The following DLGAP1 variants were observed in gnomAD, a reference collection of about 807,000 sequenced individuals.
DLGAP1 encodes DLG associated protein 1.
A neutral mutation model predicts 90.8 loss-of-function variants in DLGAP1; 11 were observed. That is an observed-to-expected ratio of 0.12 (90% CI 0.08 to 0.20). The LOEUF (loss-of-function observed/expected upper bound fraction) is 0.20, where lower values mean the gene tolerates loss of function less well. DLGAP1 is among the 10% of genes least tolerant of loss of function. The probability of loss-of-function intolerance (pLI) is 1.00; values close to 1 mark genes in which losing one functional copy is unlikely to be tolerated. For synonymous variants in DLGAP1, 558 were observed against 540.7 expected (o/e 1.03, Z -0.44); for missense variants, 1,050 against 1,333.8 (o/e 0.79, Z 3.31).
At chr18:4,017,656 G>C (rs1238793288) in intron 2 of DLGAP1, among the ~76,000 whole-genome samples, 1 of 152,200 alleles carries the variant, frequency 6.6e-6, no homozygotes, top group Non-Finnish European at 1.5e-5. Context: ...GCCCTCCAGG[G>C]TGGAGCTCTC....
intron 2 of DLGAP1, among the ~76,000 whole-genome samples, chr18:4,064,487 C>T (rs2075344002): frequency 6.6e-6 from 1 of 151,954 alleles, no homozygotes; most frequent in South Asian, 2.1e-4. Flanking sequence ...TTCAAATGAA[C>T]ACAATCAGAA....
intron 3 of DLGAP1, chr18:4,004,908 GT>G (rs2074270081): frequency 3.9e-4 from 7 of 18,036 alleles, no homozygotes; most frequent in South Asian, 5.2e-3. Context: ...AGAGGGAAGG[GT>G]GTGTGTGTGT....
chr18:4,053,085 C>T (rs575470175), intron 2 of DLGAP1, among the ~76,000 whole-genome samples: 4 of 152,294 alleles, frequency 2.6e-5, no homozygotes, highest in South Asian at 2.1e-4. Flanking sequence ...GTTCCAAAGT[C>T]GCTTCCACAT....
intron 2 of DLGAP1, among the ~76,000 whole-genome samples, chr18:4,043,653 T>C (rs1255983120): frequency 6.6e-6 from 1 of 152,186 alleles, no homozygotes; most frequent in Non-Finnish European, 1.5e-5. Context: ...ATTTAATAAG[T>C]CAGGAAAGCA....
intron 1 of DLGAP1, among the ~76,000 whole-genome samples, chr18:4,416,255 A>G (rs1247581161): frequency 6.6e-6 from 1 of 152,134 alleles, no homozygotes; most frequent in Non-Finnish European, 1.5e-5. Context: ...CATCCTGGCA[A>G]TAGTGTCCTT....
chr18:3,945,411 G>A (rs2072857228), intron 3 of DLGAP1, among the ~76,000 whole-genome samples: 1 of 152,160 alleles, frequency 6.6e-6, no homozygotes, highest in African/African-American at 2.4e-5. Flanking sequence ...TGTTTTGGGA[G>A]TATACAATAA....
intron 7 of DLGAP1, among the ~76,000 whole-genome samples, chr18:3,657,794 C>T (rs952862981): frequency 9.9e-5 from 15 of 151,762 alleles, no homozygotes; most frequent in Non-Finnish European, 1.8e-4. Flanking sequence ...TTAGTAGAGA[C>T]GGGGTTTCAC....
chr18:4,105,826 C>T (rs918134659), intron 2 of DLGAP1, among the ~76,000 whole-genome samples: 10 of 151,614 alleles, frequency 6.6e-5, no homozygotes, highest in East Asian at 5.8e-4. Context: ...GTCAGGAGAT[C>T]GAGACCATCC....
intron 7 of DLGAP1, among the ~76,000 whole-genome samples, chr18:3,649,096 G>A (rs143200953): frequency 4.7e-4 from 71 of 152,314 alleles, no homozygotes; most frequent in African/African-American, 1.4e-3. Flanking sequence ...CTTTCATATC[G>A]TTGATGAGTG....
chr18:4,262,141 A>G (rs1424234963), intron 1 of DLGAP1, among the ~76,000 whole-genome samples: 1 of 152,228 alleles, frequency 6.6e-6, no homozygotes, highest in African/African-American at 2.4e-5. Context: ...TTTAAATGAC[A>G]CATCCATAGC....
intron 3 of DLGAP1, among the ~76,000 whole-genome samples, chr18:3,924,297 A>G (rs1032676970): frequency 9.2e-5 from 14 of 152,194 alleles, no homozygotes; most frequent in African/African-American, 3.1e-4. Context: ...GAAATATAAA[A>G]AGCTTTTGGT....
chr18:4,403,915 C>A (rs553783754), intron 1 of DLGAP1, among the ~76,000 whole-genome samples: 2 of 152,094 alleles, frequency 1.3e-5, no homozygotes, highest in South Asian at 4.2e-4. Flanking sequence ...TTCTCCCTGG[C>A]TCCCTTCTGC....
At chr18:3,887,835 G>A (rs1224806374) in intron 3 of DLGAP1, among the ~76,000 whole-genome samples, 1 of 151,998 alleles carries the variant, frequency 6.6e-6, no homozygotes, top group Non-Finnish European at 1.5e-5. Flanking sequence ...ACGGCCGGGG[G>A]CAGTGGCTCA....
intron 1 of DLGAP1, among the ~76,000 whole-genome samples, chr18:4,376,887 C>A (rs1312299579): frequency 6.6e-6 from 1 of 152,124 alleles, no homozygotes; most frequent in East Asian, 1.9e-4. Flanking sequence ...CTAAAACCAT[C>A]TGAAGTACAC....
intron 10 of DLGAP1, among the ~76,000 whole-genome samples, chr18:3,525,141 C>A (rs557806654): frequency 7.1e-4 from 107 of 150,720 alleles, no homozygotes; most frequent in African/African-American, 2.4e-3. Context: ...GCAAGTTTTT[C>A]AAAAACTCAG....
chr18:4,385,254 A>G (rs1409327623), intron 1 of DLGAP1, among the ~76,000 whole-genome samples: 2 of 152,118 alleles, frequency 1.3e-5, no homozygotes, highest in African/African-American at 4.8e-5. Context: ...CAGGCAGCAT[A>G]TAGATTTTGA....
At chr18:3,798,662 TTTAC>T (rs2066136462) in intron 5 of DLGAP1, among the ~76,000 whole-genome samples, 1 of 152,184 alleles carries the variant, frequency 6.6e-6, no homozygotes, top group African/African-American at 2.4e-5. Flanking sequence ...TGTTTATTTA[TTTAC>T]TTATGTATTT....
Position 4,021,636 on chromosome 18 carries a change from C to T in DLGAP1, c.-158-16435G>A, listed in dbSNP as rs574806640. On this transcript the variant is annotated intron_variant, in intron 2 of 12. Coordinates refer to ENST00000315677, the MANE Select transcript of DLGAP1 (RefSeq NM_004746.4). ...TTTTTTAGACCGAGACTTGCTCTGT[C>T]GCCCAGGCTGGAGTGCAATGGCGCG... Among the ~76,000 whole-genome samples the T allele has an allele frequency of 5.9e-5, 9 of 152,106 alleles. No homozygotes were observed. The East Asian group carries it at 7.7e-4, about 13-fold the overall frequency.
chr18:3,794,554 G>A (rs1260191282), intron 5 of DLGAP1, among the ~76,000 whole-genome samples: 1 of 152,200 alleles, frequency 6.6e-6, no homozygotes, highest in East Asian at 1.9e-4. Context: ...GGCTGAAGGT[G>A]GAAGGTTCCT....
Sources: allele counts gnomAD v4.1 joint callset (sites outside exome capture counted in the v4.1 genomes callset), GRCh38; gene constraint gnomAD v4.1.1; transcripts MANE v1.5; gene names NCBI Gene and HGNC (gene_info 2026-07-23, HGNC 2026-07-21).